The following GALNTL6 variants were observed in gnomAD, a reference collection of about 807,000 sequenced individuals.
GALNTL6 encodes the protein polypeptide N-acetylgalactosaminyltransferase-like 6.
Under a neutral mutation model 73.7 loss-of-function variants are expected in GALNTL6, and 46 were observed. The observed-to-expected ratio is 0.62, with a 90% CI of 0.49 to 0.80. The LOEUF (loss-of-function observed/expected upper bound fraction) is 0.80. Ranked by LOEUF, GALNTL6 falls within the 30% of genes least tolerant of loss-of-function variation. The pLI, the probability that GALNTL6 is intolerant of heterozygous loss-of-function variation, is 0.00. For missense variants in GALNTL6, 604 were observed against 755.0 expected, an observed-to-expected ratio of 0.80 and a Z score of 2.34; for synonymous variants, 259 against 263.7, an observed-to-expected ratio of 0.98 and a Z score of 0.17.
At chr4:172,296,909 C>G (rs60208704) in intron 3 of GALNTL6, among the ~76,000 whole-genome samples, 23,984 of 152,050 alleles carry the variant, frequency 0.16, 2,030 homozygotes, top group East Asian at 0.2. Flanking sequence ...AATGGTATTT[C>G]TAGTTCTAGA....
chr4:172,807,958 G>A (rs577342054), intron 5 of GALNTL6, among the ~76,000 whole-genome samples: 1 of 152,142 alleles, frequency 6.6e-6, no homozygotes, highest in Non-Finnish European at 1.5e-5. Context: ...AAGTATCTGG[G>A]ATTACAGGCA....
intron 10 of GALNTL6, among the ~76,000 whole-genome samples, chr4:172,981,476 T>C (rs532288007): frequency 6.6e-6 from 1 of 152,344 alleles, no homozygotes; most frequent in Admixed American, 6.5e-5. Flanking sequence ...TTAAACACCT[T>C]TTCATGTATT....
intron 5 of GALNTL6, among the ~76,000 whole-genome samples, chr4:172,487,311 T>C (rs186484545): frequency 0.064 from 7,132 of 112,206 alleles, 393 homozygotes; most frequent in East Asian, 0.13. Context: ...TCTTTCTTTC[T>C]TTCTTTCTTT....
chr4:172,346,174 T>G (rs747568424), intron 4 of GALNTL6, among the ~76,000 whole-genome samples: 1 of 152,152 alleles, frequency 6.6e-6, no homozygotes, highest in Non-Finnish European at 1.5e-5. Context: ...TCCAGCAAAA[T>G]AGATTTTTAC....
chr4:172,606,594 A>ATATACATAGTATATGTATATATATACG, intron 5 of GALNTL6, among the ~76,000 whole-genome samples: 1 of 134,646 alleles, frequency 7.4e-6, no homozygotes, highest in African/African-American at 2.8e-5. Flanking sequence ...ATATATATAC[A>ATATACATAGTATATGTATATATATACG]CATATATACA....
chr4:172,653,369 G>GGC (rs1740581899), intron 5 of GALNTL6, among the ~76,000 whole-genome samples: 4 of 151,812 alleles, frequency 2.6e-5, no homozygotes, highest in Middle Eastern at 3.4e-3. Flanking sequence ...ATAGGCTTAT[G>GGC]CCACCATACC....
chr4:172,367,697 T>C (rs1742618625), intron 5 of GALNTL6, among the ~76,000 whole-genome samples: 1 of 152,226 alleles, frequency 6.6e-6, no homozygotes, highest in Admixed American at 6.5e-5. Context: ...GCTAATTTTT[T>C]AATGGACATA....
intron 2 of GALNTL6, among the ~76,000 whole-genome samples, chr4:171,975,085 C>G (rs1245527901): frequency 6.6e-6 from 1 of 152,138 alleles, no homozygotes; most frequent in Non-Finnish European, 1.5e-5. Context: ...CCGTTTCTAC[C>G]TGTAATGCAT....
chr4:171,946,845 G>T (rs1367978306), intron 2 of GALNTL6, among the ~76,000 whole-genome samples: 2 of 151,526 alleles, frequency 1.3e-5, no homozygotes, highest in Non-Finnish European at 2.9e-5. Context: ...AGAAGGTCTA[G>T]AACAACTCCA....
At chr4:172,044,552 C>G (rs949556967) in intron 2 of GALNTL6, among the ~76,000 whole-genome samples, 1 of 151,588 alleles carries the variant, frequency 6.6e-6, no homozygotes, top group African/African-American at 2.4e-5. Flanking sequence ...TAACATCAGG[C>G]CACCAAAGTT....
intron 2 of GALNTL6, among the ~76,000 whole-genome samples, chr4:172,219,223 A>ATATATAT (rs56923371): frequency 2.1e-5 from 3 of 142,034 alleles, no homozygotes; most frequent in Non-Finnish European, 3.1e-5. Context: ...ATATATATAT[A>ATATATAT]ATCCTTCTGT....
At chr4:172,628,258 T>G (rs1739248950) in intron 5 of GALNTL6, among the ~76,000 whole-genome samples, 1 of 152,176 alleles carries the variant, frequency 6.6e-6, no homozygotes, top group South Asian at 2.1e-4. Context: ...CATTCACTTT[T>G]GCTGATAACA....
At chr4:172,763,844 T>TA (rs1373677778) in intron 5 of GALNTL6, among the ~76,000 whole-genome samples, 1 of 152,176 alleles carries the variant, frequency 6.6e-6, no homozygotes. Flanking sequence ...TTCAGCATTT[T>TA]AAAAATATAA....
chr4:173,036,921 T>A lies in GALNTL6; in HGVS notation c.1639-3012T>A, dbSNP rs193149336. Among the ~76,000 whole-genome samples the A allele has an allele frequency of 2.2e-3, 337 of 152,324 alleles. 1 individual carries two copies. Among genetic ancestry groups the A allele is most frequent in the African/African-American group, 7.7e-3 (319 of 41,572 alleles). ...AGGGCAGAGGAGGGAAAGGCTGTCA[T>A]AGAACCAAAGACCACATTCAAAAGA... On this transcript the variant is annotated intron_variant, in intron 12 of 12. Transcript: ENST00000506823.
At chr4:172,448,107 T>A (rs1443121905) in intron 5 of GALNTL6, among the ~76,000 whole-genome samples, 3 of 152,186 alleles carry the variant, frequency 2.0e-5, no homozygotes. Context: ...TATGCATGGT[T>A]ATATTTTCCT....
intron 3 of GALNTL6, among the ~76,000 whole-genome samples, chr4:172,308,253 A>G (rs1166561430): frequency 1.3e-5 from 2 of 151,662 alleles, no homozygotes; most frequent in Admixed American, 1.3e-4. Context: ...TTCATGGTAC[A>G]TGATTATATC....
intron 2 of GALNTL6, among the ~76,000 whole-genome samples, chr4:171,926,521 A>G (rs1271868442): frequency 6.6e-6 from 1 of 152,102 alleles, no homozygotes; most frequent in Non-Finnish European, 1.5e-5. Flanking sequence ...ATTTTGGGGT[A>G]TGTACACCTT....
rs1270038971 is a variant in GALNTL6 at position 173,009,206 on chromosome 4, T to C, written c.1400T>C (p.Val467Ala). 2 of 1,613,876 alleles carry C rather than the reference T, an allele frequency of 1.2e-6. No individual in the cohort carries two copies. Among genetic ancestry groups the C allele is most frequent in the East Asian group, 2.2e-5 (1 of 44,900 alleles). The part of the protein sequence containing the change: ...EIRNVAANLC[V>A]DSKHGATGTE... ...CGAAATGTGGCAGCAAATCTCTGTG[T>C]GGACAGCAAGCATGGAGCCACCGGA... is the stretch of plus-strand genomic sequence containing the variant. Residue 467 changes from valine to alanine, a missense_variant, in exon 11 of 13, where the codon GTG becomes GCG. Val to Ala is a moderately conservative substitution (Grantham distance 64). Transcript: ENST00000506823.
At chr4:172,943,006 T>C (rs1231115031) in intron 9 of GALNTL6, among the ~76,000 whole-genome samples, 1 of 152,104 alleles carries the variant, frequency 6.6e-6, no homozygotes, top group South Asian at 2.1e-4. Flanking sequence ...CAGCATACTC[T>C]GACCCTCACA....
Sources: gnomAD v4.1 joint callset for allele counts (sites outside exome capture counted in the v4.1 genomes callset) on GRCh38, gnomAD v4.1.1 for gene constraint, MANE v1.5 for transcripts, NCBI Gene and HGNC (gene_info 2026-07-23, HGNC 2026-07-21) for gene names.